Variants in SUGT1 observed in about 807,000 individuals in gnomAD.
SUGT1 encodes the protein SGT1 assembly cochaperone of MIS12 kinetochore complex, also known as protein SGT1 homolog.
A neutral mutation model predicts 56.1 loss-of-function variants in SUGT1; 15 were observed. The ratio of observed to expected loss-of-function variants is 0.27; its 90% CI spans 0.18 to 0.41. The LOEUF is 0.41. Ranked by LOEUF, SUGT1 falls within the 10% of genes least tolerant of loss-of-function variation. The probability of loss-of-function intolerance (pLI) is 1.00; values close to 1 mark genes in which losing one functional copy is unlikely to be tolerated. For synonymous variants in SUGT1, 123 were observed against 128.6 expected, an observed-to-expected ratio of 0.96 and a Z score of 0.30; for missense variants, 347 against 382.2, an observed-to-expected ratio of 0.91 and a Z score of 0.77.
rs1449007285 is a variant in SUGT1 at position 52,664,160 on chromosome 13, G to A, written c.422+103G>A. 5.8e-6 allele frequency: 7 copies of A among 1,204,436 alleles called. No homozygotes were observed. In the Admixed American group the frequency reaches 1.8e-4, roughly 30 times the overall value. 74.6% of individuals were successfully genotyped at this position (1,204,436 alleles called of 1,614,324 possible). A position where few individuals can be genotyped will look rare whatever the true frequency, so the allele number is the denominator to read the frequency against. ...CAAATTCTTACCATGTGATTTTTAAGTTTTTGTTTGTTTTCTAAAATTGTG... is the reference window on the plus strand; with the variant it reads ...CAAATTCTTACCATGTGATTTTTAAATTTTTGTTTGTTTTCTAAAATTGTG... On this transcript the variant is annotated intron_variant, in intron 8 of 12. Transcript: ENST00000310528.
rs777926682 is a variant in SUGT1 at position 52,652,982 on chromosome 13, G to A, written c.38+24G>A. ...AGGTGCATGTTTTTCTTTCCCTTTG[G>A]TATTTATTTTATCCCCCTTTCCTTG... On this transcript the variant is annotated intron_variant, in intron 1 of 12. Transcript: ENST00000310528. The A allele has an allele frequency of 2.5e-6, 4 of 1,614,190 alleles. No homozygotes were observed. The South Asian group carries it at 4.4e-5, about 18-fold the overall frequency.
At chr13:52,678,265 A>G (rs562180815) in intron 11 of SUGT1, among the ~76,000 whole-genome samples, 1 of 152,288 alleles carries the variant, frequency 6.6e-6, no homozygotes, top group South Asian at 2.1e-4. Flanking sequence ...GGATTTTCAA[A>G]ACAATATATT....
At position 52,681,700 on chromosome 13, in the gene SUGT1, T is replaced by G. The variant is rs568111221; in HGVS notation, c.900+1545T>G. ...TCTACAAGAAATTTAAAAGCTACCT[T>G]GGCATGATGTTGTGCCCCTGTCAGC... On this transcript the variant is annotated intron_variant, in intron 12 of 12. Coordinates refer to ENST00000310528, the MANE Select transcript of SUGT1 (RefSeq NM_006704.5). Among the ~76,000 whole-genome samples the G allele has an allele frequency of 3.3e-5, 5 of 152,124 alleles. No homozygotes were observed. In the South Asian group the frequency reaches 1.0e-3, roughly 32 times the overall value.
chr13:52,688,972 A>G lies in SUGT1; in HGVS notation c.*1137A>G, dbSNP rs893266016. ...GATCTGACTTTGTTTTCTCACCATGATTTTCTCAACTGTAATACCCCAGAT... is the reference window on the plus strand; with the variant it reads ...GATCTGACTTTGTTTTCTCACCATGGTTTTCTCAACTGTAATACCCCAGAT... On this transcript the variant is annotated 3_prime_UTR_variant, in exon 13 of 13. Coordinates refer to ENST00000310528, the MANE Select transcript of SUGT1 (RefSeq NM_006704.5). The G allele has an allele frequency of 6.6e-6, 1 of 152,108 alleles. No homozygotes were observed. The highest frequency in any genetic ancestry group is 1.5e-5 in the Non-Finnish European group (1 of 68,070). The allele number at this position is 152,108 out of a possible 1,614,324, so 9.4% of individuals were successfully genotyped here.
intron 10 of SUGT1, among the ~76,000 whole-genome samples, chr13:52,671,643 A>T (rs1325650775): frequency 6.6e-6 from 1 of 152,204 alleles, no homozygotes; most frequent in African/African-American, 2.4e-5. Context: ...TATTGATAAT[A>T]GCATTCTGTT....
Position 52,662,685 on chromosome 13 carries a change from G to A in SUGT1, c.365G>A (p.Cys122Tyr). 6.2e-7 allele frequency: 1 copy of A among 1,613,734 alleles called. No homozygotes were observed. Among genetic ancestry groups the A allele is most frequent in the South Asian group, 1.1e-5 (1 of 91,048 alleles). Residue 122 changes from cysteine to tyrosine, a missense_variant, in exon 6 of 13, where the codon TGT (cysteine) becomes TAT (tyrosine). Physicochemically the swap from Cys to Tyr is radical, Grantham distance 194 (BLOSUM62 -2). Coordinates refer to ENST00000310528, the MANE Select transcript of SUGT1 (RefSeq NM_006704.5). Reference protein sequence around the residue: ...DANFSVWIKRCQEAQNGSESE... With the variant: ...DANFSVWIKRYQEAQNGSESE... ...AATTTCAGTGTCTGGATTAAAAGGTGTCAAGAAGCTCAGAATGGTATGTGG... is the reference window on the plus strand; with the variant it reads ...AATTTCAGTGTCTGGATTAAAAGGTATCAAGAAGCTCAGAATGGTATGTGG...
chr13:52,668,140 G>A (rs555679171), intron 10 of SUGT1, among the ~76,000 whole-genome samples: 4 of 151,914 alleles, frequency 2.6e-5, no homozygotes, highest in South Asian at 2.1e-4. Context: ...GTACTGCCAC[G>A]CCCAGCTAAT....
At chr13:52,684,820 G>A (rs916277759) in intron 12 of SUGT1, among the ~76,000 whole-genome samples, 1 of 151,766 alleles carries the variant, frequency 6.6e-6, no homozygotes, top group East Asian at 2.0e-4. Flanking sequence ...GAGCCACCAC[G>A]CCTGGCCTGT....
At chr13:52,667,059 T>C in intron 10 of SUGT1, 140 bp downstream of exon 10, 1 of 600,958 alleles carries the variant, frequency 1.7e-6, no homozygotes, top group South Asian at 2.5e-5. Context: ...TGATAACTTT[T>C]GAGTATAAGG....
intron 5 of SUGT1, 57 bp from the exon 6 acceptor site, chr13:52,662,588 GTATT>G: frequency 5.8e-6 from 9 of 1,559,390 alleles, no homozygotes; most frequent in Non-Finnish European, 8.0e-6. Flanking sequence ...TATTCAGTAA[GTATT>G]TGTTGATTTA....
Position 52,658,403 on chromosome 13 carries a change from T to A in SUGT1, c.192T>A (p.Ala64=). The A allele has an allele frequency of 6.2e-7, 1 of 1,612,980 alleles. No individual in the cohort carries two copies. The highest frequency in any genetic ancestry group is 1.3e-5 in the African/African-American group (1 of 75,004). The change falls in exon 4 of 13, where the codon GCT becomes GCA. Residue 64 remains alanine, a synonymous_variant. Coordinates refer to ENST00000310528, the MANE Select transcript of SUGT1 (RefSeq NM_006704.5). Reference sequence around the variant, plus strand: ...AACCCGTCTTTTTCTACACAGTTGCTGTTGCTGATGCAAAGAAGTCTCTAG... The same window carrying A: ...AACCCGTCTTTTTCTACACAGTTGCAGTTGCTGATGCAAAGAAGTCTCTAG... The part of the protein sequence containing the change: ...CHILLGNYCV[A]VADAKKSLEL...
chr13:52,655,620 T>A (rs1040919549), intron 2 of SUGT1, among the ~76,000 whole-genome samples: 2 of 152,110 alleles, frequency 1.3e-5, no homozygotes, highest in African/African-American at 4.8e-5. Context: ...ACGATTAGAA[T>A]ATAAGGGATG....
At chr13:52,663,646 T>C (rs570937339) in intron 7 of SUGT1, among the ~76,000 whole-genome samples, 1 of 152,328 alleles carries the variant, frequency 6.6e-6, no homozygotes, top group East Asian at 1.9e-4. Context: ...TTACTCTGTT[T>C]CTTTAAAACG....
chr13:52,664,430 A>G (rs918294076), intron 8 of SUGT1, among the ~76,000 whole-genome samples: 1 of 152,214 alleles, frequency 6.6e-6, no homozygotes, highest in African/African-American at 2.4e-5. Flanking sequence ...AATTTTTCAT[A>G]GGAACATTCT....
chr13:52,676,488 G>A (rs1963148181), intron 11 of SUGT1, among the ~76,000 whole-genome samples, 168 bp downstream of exon 11: 1 of 152,190 alleles, frequency 6.6e-6, no homozygotes, highest in Non-Finnish European at 1.5e-5. Context: ...TTCTGTGAAA[G>A]TTCTGACTTC....
chr13:52,671,926 G>A (rs567548547), intron 10 of SUGT1, among the ~76,000 whole-genome samples: 12 of 152,200 alleles, frequency 7.9e-5, no homozygotes, highest in Admixed American at 7.8e-4. Context: ...TGCGCTTACA[G>A]CAAATTATTT....
At position 52,700,842 on chromosome 13, in the gene SUGT1, TCA is replaced by T. The variant is rs1356073752; in HGVS notation, c.*13010_*13011del. On this transcript the variant is annotated 3_prime_UTR_variant, in exon 13 of 13. Coordinates refer to ENST00000310528, the MANE Select transcript of SUGT1 (RefSeq NM_006704.5). The stretch of plus-strand genomic sequence containing the variant: ...CAGAAATAAAATTAAGTCAATCCAC[TCA>T]CAAAGAATTTCTATTTTGTAAAAAT... 4 of 152,200 alleles carry T rather than the reference TCA, an allele frequency of 2.6e-5. No homozygotes were observed. Among genetic ancestry groups the T allele is most frequent in the East Asian group, 1.9e-4 (1 of 5,200 alleles). 9.4% of individuals were successfully genotyped at this position (152,200 alleles called of 1,614,324 possible). A position where few individuals can be genotyped will look rare whatever the true frequency, so the allele number is the denominator to read the frequency against.
At position 52,680,116 on chromosome 13, in the gene SUGT1, T is replaced by C; in HGVS notation, c.861T>C (p.Asp287=). The change falls in exon 12 of 13, where the codon GAT becomes GAC. Residue 287 remains aspartate (D), a synonymous_variant. Transcript: ENST00000310528. ...LNRLFQQIYS[D]GSDEVKRAMN... is the part of the protein sequence containing the mutation. ...GATTATTTCAGCAGATCTATTCAGATGGTTCTGATGAAGTGAAACGTGCCA... is the reference window on the plus strand; with the variant it reads ...GATTATTTCAGCAGATCTATTCAGACGGTTCTGATGAAGTGAAACGTGCCA... 1.3e-6 allele frequency: 2 copies of C among 1,591,994 alleles called. No homozygotes were observed.
chr13:52,665,264 G>A (rs1962647481), intron 8 of SUGT1, among the ~76,000 whole-genome samples: 1 of 152,112 alleles, frequency 6.6e-6, no homozygotes, highest in Non-Finnish European at 1.5e-5. Flanking sequence ...TTTATCTGTA[G>A]TATTTGGATG....
Sources: gnomAD v4.1 joint callset for allele counts (sites outside exome capture counted in the v4.1 genomes callset) on GRCh38, gnomAD v4.1.1 for gene constraint, MANE v1.5 for transcripts, NCBI Gene and HGNC (gene_info 2026-07-23, HGNC 2026-07-21) for gene names.